The following AKAP12 variants were observed in gnomAD, a reference collection of about 807,000 sequenced individuals.
AKAP12 encodes the protein A-kinase anchor protein 12.
A neutral mutation model predicts 79.9 loss-of-function variants in AKAP12; 32 were observed. That is an observed-to-expected ratio of 0.40 (90% confidence interval 0.30 to 0.54). The LOEUF (loss-of-function observed/expected upper bound fraction) is 0.54, where lower values mean the gene tolerates loss of function less well. Ranked by LOEUF, AKAP12 falls within the 20% of genes least tolerant of loss-of-function variation. AKAP12 has a pLI of 0.48. For synonymous variants in AKAP12, 808 were observed against 857.0 expected, an observed-to-expected ratio of 0.94 and a Z score of 1.00; for missense variants, 2,074 against 2,177.0, an observed-to-expected ratio of 0.95 and a Z score of 0.94.
intron 3 of AKAP12, among the ~76,000 whole-genome samples, chr6:151,330,849 GTC>G (rs1256374516): frequency 6.6e-6 from 1 of 152,154 alleles, no homozygotes; most frequent in African/African-American, 2.4e-5. Flanking sequence ...CACACGGGCT[GTC>G]TCTACATTAT....
intron 2 of AKAP12, among the ~76,000 whole-genome samples, chr6:151,252,532 A>T (rs1308176194): frequency 6.6e-6 from 1 of 151,888 alleles, no homozygotes; most frequent in Non-Finnish European, 1.5e-5. Flanking sequence ...GATGATCAAC[A>T]CTGAAGGCCC....
intron 2 of AKAP12, among the ~76,000 whole-genome samples, chr6:151,263,582 C>A (rs540033112): frequency 1.3e-5 from 2 of 151,548 alleles, no homozygotes; most frequent in African/African-American, 2.4e-5. Flanking sequence ...CTTTTCTTTT[C>A]TTTTTTATTT....
chr6:151,289,742 A>G (rs1414736632), intron 2 of AKAP12, among the ~76,000 whole-genome samples: 1 of 152,250 alleles, frequency 6.6e-6, no homozygotes, highest in Non-Finnish European at 1.5e-5. Flanking sequence ...CCTGTAAGAA[A>G]AAGAAGCACA....
chr6:151,279,318 G>A (rs1243821804), intron 2 of AKAP12, among the ~76,000 whole-genome samples: 1 of 152,166 alleles, frequency 6.6e-6, no homozygotes, highest in African/African-American at 2.4e-5. Flanking sequence ...AACAAGGTCT[G>A]TGATGCTTGG....
intron 3 of AKAP12, chr6:151,325,879 A>AT (rs758122848): frequency 3.1e-6 from 5 of 1,614,204 alleles, no homozygotes; most frequent in Non-Finnish European, 4.2e-6. Context: ...GACCATCACC[A>AT]TCACAGGTAA....
At chr6:151,281,829 G>A (rs1776416191) in intron 2 of AKAP12, among the ~76,000 whole-genome samples, 1 of 151,716 alleles carries the variant, frequency 6.6e-6, no homozygotes, top group Admixed American at 6.6e-5. Context: ...AGGAATACAG[G>A]CCTACACCAT....
intron 2 of AKAP12, among the ~76,000 whole-genome samples, chr6:151,255,258 C>T (rs1325909042): frequency 8.5e-5 from 13 of 152,060 alleles, no homozygotes; most frequent in Middle Eastern, 3.4e-3. Flanking sequence ...CTCTGCCTCC[C>T]GGGTTCAAGC....
In AKAP12 at chr6:151,353,116, G is replaced by C. The variant is rs144686548; in HGVS notation, c.4725G>C (p.Glu1575Asp). ...EETATEMLTS[E>D]LQTQAHVIKA... ...CAGCCACCGAAATGTTGACGTCTGA[G>C]TTACAGACACAAGCTCACGTGATAA... Residue 1575 changes from glutamate to aspartate, a missense_variant, in exon 4 of 5, where the codon GAG becomes GAC. Transcript: ENST00000402676. 3.1e-6 allele frequency: 5 copies of C among 1,614,098 alleles called. No homozygotes were observed. In the African/African-American group the frequency reaches 6.7e-5, roughly 22 times the overall value.
intron 2 of AKAP12, among the ~76,000 whole-genome samples, chr6:151,281,501 T>G (rs1776407249): frequency 6.6e-6 from 1 of 152,300 alleles, no homozygotes; most frequent in Admixed American, 6.5e-5. Context: ...TCTTATATGC[T>G]TCAGATCTCA....
chr6:151,252,739 A>G (rs1196890525), intron 2 of AKAP12, among the ~76,000 whole-genome samples: 17 of 150,186 alleles, frequency 1.1e-4, no homozygotes, highest in African/African-American at 3.7e-4. Context: ...TGGGAAAAAA[A>G]AAAAAAAAAA....
intron 2 of AKAP12, among the ~76,000 whole-genome samples, chr6:151,287,614 G>T (rs1776531497): frequency 6.6e-6 from 1 of 152,282 alleles, no homozygotes; most frequent in East Asian, 1.9e-4. Context: ...TACACCGTTG[G>T]TCGGAGTATA....
chr6:151,322,653 G>T (rs536685355), intron 3 of AKAP12, among the ~76,000 whole-genome samples: 1 of 146,194 alleles, frequency 6.8e-6, no homozygotes, highest in East Asian at 1.9e-4. Context: ...CAGCTCCAAG[G>T]CTACCTCAGA....
intron 2 of AKAP12, among the ~76,000 whole-genome samples, chr6:151,247,912 GC>G: frequency 6.6e-6 from 1 of 152,258 alleles, no homozygotes; most frequent in Non-Finnish European, 1.5e-5. Flanking sequence ...CAGGTTCAAA[GC>G]TTTTTGTCTT....
chr6:151,325,837 C>T, intron 3 of AKAP12: 6 of 1,614,126 alleles, frequency 3.7e-6, no homozygotes, highest in Admixed American at 1.7e-5. Context: ...AGCTGATCTC[C>T]TGTACAGTAG....
chr6:151,296,325 A>C (rs1044277449), intron 2 of AKAP12, among the ~76,000 whole-genome samples: 1 of 152,234 alleles, frequency 6.6e-6, no homozygotes, highest in African/African-American at 2.4e-5. Flanking sequence ...GAAACCCGAT[A>C]AGCAGTTCAT....
chr6:151,338,617 G>A (rs541947060), intron 3 of AKAP12, among the ~76,000 whole-genome samples: 4 of 152,124 alleles, frequency 2.6e-5, no homozygotes, highest in South Asian at 2.1e-4. Context: ...CACCACGCCC[G>A]GCTAATTTTT....
chr6:151,283,992 T>C (rs1158640698), intron 2 of AKAP12, among the ~76,000 whole-genome samples: 1 of 152,176 alleles, frequency 6.6e-6, no homozygotes, highest in Non-Finnish European at 1.5e-5. Context: ...GGCAGATTGC[T>C]GGTTTGGGGG....
At chr6:151,271,402 GC>G (rs1776179150) in intron 2 of AKAP12, among the ~76,000 whole-genome samples, 1 of 149,212 alleles carries the variant, frequency 6.7e-6, no homozygotes, top group South Asian at 2.1e-4. Context: ...GCTCACTGCA[GC>G]CTCTGCCTGC....
intron 3 of AKAP12, among the ~76,000 whole-genome samples, chr6:151,338,777 C>T (rs997700590): frequency 6.6e-6 from 1 of 152,190 alleles, no homozygotes; most frequent in African/African-American, 2.4e-5. Flanking sequence ...AAGCCAGAAT[C>T]CTGCAGAGGT....
Sources: gnomAD v4.1 joint callset for allele counts (sites outside exome capture counted in the v4.1 genomes callset) on GRCh38, gnomAD v4.1.1 for gene constraint, MANE v1.5 for transcripts, NCBI Gene and HGNC (gene_info 2026-07-23, HGNC 2026-07-21) for gene names.